The following RAI2 variants were observed in gnomAD, a reference collection of about 807,000 sequenced individuals.
RAI2 encodes retinoic acid induced 2.
RAI2 carries 5 observed loss-of-function variants against 15.3 expected under a neutral mutation model. That is an observed-to-expected ratio of 0.33 (90% CI 0.17 to 0.69). The LOEUF (loss-of-function observed/expected upper bound fraction) is 0.69. RAI2 is among the 30% of genes least tolerant of loss of function. The pLI is 0.69. For missense variants in RAI2, 424 were observed against 424.7 expected, an observed-to-expected ratio of 1.00 and a Z score of 0.01; for synonymous variants, 191 against 184.0, an observed-to-expected ratio of 1.04 and a Z score of -0.31.
intron 1 of RAI2, among the ~76,000 whole-genome samples, chrX:17,835,489 C>T (rs1270598243): frequency 8.9e-6 from 1 of 111,908 alleles, no homozygotes; most frequent in African/African-American, 3.2e-5. Context: ...TTCCCTGCTC[C>T]CCAGCCCTTC....
chrX:17,818,536 T>C (rs1434137135), intron 1 of RAI2, among the ~76,000 whole-genome samples: 1 of 111,743 alleles, frequency 8.9e-6, no homozygotes, highest in East Asian at 2.8e-4. Flanking sequence ...GTGAAATTGA[T>C]GGCTTGCTCT....
At chrX:17,816,662 A>G (rs1479312675) in intron 1 of RAI2, among the ~76,000 whole-genome samples, 1 of 111,928 alleles carries the variant, frequency 8.9e-6, no homozygotes, top group Non-Finnish European at 1.9e-5. Flanking sequence ...TTGGAGCTCA[A>G]TTCTCACTTC....
At chrX:17,839,846 G>T (rs746866250) in intron 1 of RAI2, among the ~76,000 whole-genome samples, 1 of 112,449 alleles carries the variant, frequency 8.9e-6, no homozygotes, top group Non-Finnish European at 1.9e-5. Flanking sequence ...AGGTTGGTCT[G>T]TTCTGACATG....
At chrX:17,845,338 C>A (rs776472431) in intron 1 of RAI2, among the ~76,000 whole-genome samples, 1 of 112,757 alleles carries the variant, frequency 8.9e-6, no homozygotes, top group African/African-American at 3.2e-5. Context: ...TTTCCCTGAA[C>A]TGAATTCCTC....
intron 1 of RAI2, among the ~76,000 whole-genome samples, chrX:17,825,735 A>G (rs983759429): frequency 3.5e-5 from 4 of 112,983 alleles, no homozygotes; most frequent in African/African-American, 1.3e-4. Context: ...AGTAAGTCTT[A>G]CTGAAGAAAG....
At chrX:17,823,254 G>C (rs2067187700) in intron 1 of RAI2, among the ~76,000 whole-genome samples, 1 of 112,223 alleles carries the variant, frequency 8.9e-6, no homozygotes, top group African/African-American at 3.2e-5. Flanking sequence ...ACAGTTCCTG[G>C]CACATGGTAA....
intron 1 of RAI2, among the ~76,000 whole-genome samples, chrX:17,859,722 G>C (rs1021935123): frequency 1.2e-4 from 13 of 112,288 alleles, no homozygotes; most frequent in African/African-American, 3.9e-4. Flanking sequence ...GCTGGGTTCT[G>C]AACAGCCCAC....
At chrX:17,814,591 C>T (rs1052887210) in intron 1 of RAI2, among the ~76,000 whole-genome samples, 1 of 108,827 alleles carries the variant, frequency 9.2e-6, no homozygotes, top group Non-Finnish European at 1.9e-5. Context: ...GTGAAGAAGA[C>T]ACTCCTTTAT....
intron 1 of RAI2, among the ~76,000 whole-genome samples, chrX:17,826,945 C>T (rs749294183): frequency 6.2e-5 from 7 of 112,303 alleles, no homozygotes; most frequent in Non-Finnish European, 1.1e-4. Context: ...TACCCAGTCT[C>T]GAGTAGTTCT....
At chrX:17,823,476 C>T (rs190112004) in intron 1 of RAI2, among the ~76,000 whole-genome samples, 77 of 111,926 alleles carry the variant, frequency 6.9e-4, no homozygotes, top group African/African-American at 2.4e-3. Flanking sequence ...TGGTGCTGGC[C>T]TCCCATGGCC....
chrX:17,833,588 G>C (rs2067305127), intron 1 of RAI2, among the ~76,000 whole-genome samples: 1 of 111,719 alleles, frequency 9.0e-6, no homozygotes, highest in Admixed American at 9.5e-5. Flanking sequence ...AGTCAGAGTA[G>C]TGGTTACCTT....
chrX:17,834,253 GATTT>G (rs999237436), intron 1 of RAI2, among the ~76,000 whole-genome samples: 2 of 111,105 alleles, frequency 1.8e-5, no homozygotes, highest in African/African-American at 6.5e-5. Flanking sequence ...ATTTTATGGT[GATTT>G]ATTCTTCCTC....
At chrX:17,809,320 C>T (rs1295606585) in intron 1 of RAI2, among the ~76,000 whole-genome samples, 6 of 111,235 alleles carry the variant, frequency 5.4e-5, no homozygotes, top group Admixed American at 3.8e-4. Flanking sequence ...ACAGTGGCTA[C>T]GGGGAAGATC....
At chrX:17,818,926 C>T (rs926999646) in intron 1 of RAI2, among the ~76,000 whole-genome samples, 10 of 112,994 alleles carry the variant, frequency 8.9e-5, no homozygotes, top group Non-Finnish European at 1.5e-4. Flanking sequence ...ACACGTTAGA[C>T]GATCAGTGTC....
rs532765087 is a variant in RAI2 at position 17,804,292 on chromosome X, G to A, written c.-24-2258C>T. On this transcript the variant is annotated intron_variant, in intron 1 of 1. Coordinates refer to ENST00000451717, the MANE Select transcript of RAI2 (RefSeq NM_021785.6). ...ACCATTCATTCATGCATGCATGTAT[G>A]AATTCATTCATTCACTCATCCTGAG... is the stretch of plus-strand genomic sequence containing the variant. 4.7e-4 allele frequency among the ~76,000 whole-genome samples: 53 copies of A among 112,248 alleles called. 1 individual carries two copies. In the South Asian group the frequency reaches 0.02, roughly 41 times the overall value.
intron 1 of RAI2, among the ~76,000 whole-genome samples, chrX:17,852,532 A>C (rs925326501): frequency 5.4e-5 from 6 of 111,893 alleles, no homozygotes; most frequent in African/African-American, 2.0e-4. Flanking sequence ...CTGTATAATG[A>C]GTGATCCACT....
At position 17,811,415 on chromosome X, in the gene RAI2, A is replaced by G. The variant is rs1032820791; in HGVS notation, c.-24-9381T>C. ...CAGGTCACGTTTAAGGTCTTGGGCC[A>G]AGGTCTATCATCTTAAAGAGCTACG... is the stretch of plus-strand genomic sequence containing the variant. On this transcript the variant is annotated intron_variant, in intron 1 of 1. Transcript: ENST00000451717. Among the ~76,000 whole-genome samples the G allele has an allele frequency of 3.5e-4, 39 of 112,524 alleles. 1 individual carries two copies. Among genetic ancestry groups the G allele is most frequent in the Admixed American group, 2.2e-3 (23 of 10,674 alleles).
At chrX:17,813,832 G>A (rs1428383996) in intron 1 of RAI2, among the ~76,000 whole-genome samples, 2 of 111,489 alleles carry the variant, frequency 1.8e-5, no homozygotes, top group African/African-American at 6.5e-5. Context: ...AGAAGTTAGG[G>A]CTCTCAAAGG....
intron 1 of RAI2, among the ~76,000 whole-genome samples, chrX:17,824,763 T>A (rs1227489682): frequency 8.9e-6 from 1 of 112,177 alleles, no homozygotes; most frequent in Non-Finnish European, 1.9e-5. Flanking sequence ...GAACCTTCCC[T>A]TTCTGCAAAT....
Sources: gnomAD v4.1 joint callset for allele counts (sites outside exome capture counted in the v4.1 genomes callset) on GRCh38, gnomAD v4.1.1 for gene constraint, MANE v1.5 for transcripts, NCBI Gene and HGNC (gene_info 2026-07-23, HGNC 2026-07-21) for gene names.